Variants in TP63 observed in about 807,000 individuals in gnomAD.
TP63 encodes the protein tumor protein p63, also known as tumor protein 63.
TP63 carries 17 observed loss-of-function variants against 82.8 expected under a neutral mutation model. The ratio of observed to expected loss-of-function variants is 0.21; its 90% CI spans 0.14 to 0.31. The LOEUF (loss-of-function observed/expected upper bound fraction) is 0.31. TP63 is among the 10% of genes least tolerant of loss of function. The probability of loss-of-function intolerance (pLI) is 1.00; values close to 1 mark genes in which losing one functional copy is unlikely to be tolerated. For synonymous variants in TP63, 330 were observed against 321.7 expected, an observed-to-expected ratio of 1.03 and a Z score of -0.28; for missense variants, 648 against 895.3, an observed-to-expected ratio of 0.72 and a Z score of 3.52.
At chr3:189,684,898 T>C (rs1255839180) in intron 1 of TP63, among the ~76,000 whole-genome samples, 10 of 152,056 alleles carry the variant, frequency 6.6e-5, no homozygotes, top group Non-Finnish European at 8.8e-5. Flanking sequence ...TCCCAGAGTG[T>C]TGGGATTACA....
At chr3:189,758,220 T>C (rs185597127) in intron 3 of TP63, among the ~76,000 whole-genome samples, 2 of 152,298 alleles carry the variant, frequency 1.3e-5, no homozygotes, top group Admixed American at 6.5e-5. Flanking sequence ...GGGTTCGTGC[T>C]CCTATGAGGA....
chr3:189,658,562 G>T (rs540655031), intron 1 of TP63, among the ~76,000 whole-genome samples: 5 of 151,974 alleles, frequency 3.3e-5, no homozygotes, highest in Non-Finnish European at 7.4e-5. Context: ...AAATGGCTTT[G>T]ATCCCCCTTG....
At chr3:189,682,545 AAAAAAAAAAT>A (rs369352339) in intron 1 of TP63, among the ~76,000 whole-genome samples, 843 of 71,156 alleles carry the variant, frequency 0.012, 14 homozygotes, top group Admixed American at 0.023. Context: ...GGAAAAAAAA[AAAAAAAAAAT>A]ATATATATAT....
the TP63 span, among the ~76,000 whole-genome samples, chr3:189,604,795 A>C: frequency 6.6e-6 from 1 of 152,134 alleles, no homozygotes; most frequent in African/African-American, 2.4e-5. Flanking sequence ...ACAGTTTGTA[A>C]AGCTGTTTGT....
In TP63 at chr3:189,869,377, TC is replaced by T. The variant is rs2108809571; in HGVS notation, c.1187del (p.Pro396GlnfsTer10). On this transcript the variant is annotated frameshift_variant, in exon 9 of 14. Coordinates refer to ENST00000264731, the MANE Select transcript of TP63 (RefSeq NM_003722.5). LOFTEE classifies it high-confidence loss of function. ...IQMTSIKKRRSPDDELLYLPV... is the reference protein window; with the variant it reads ...IQMTSIKKRRXPDDELLYLPV... ...GATGACATCCATCAAGAAACGAAGA[TC>T]CCCAGATGATGAACTGTTATACTTA... The T allele has an allele frequency of 6.2e-7, 1 of 1,614,058 alleles. No individual in the cohort carries two copies. Among genetic ancestry groups the T allele is most frequent in the East Asian group, 2.2e-5 (1 of 44,866 alleles).
At chr3:189,861,433 G>T (rs574246420) in intron 4 of TP63, among the ~76,000 whole-genome samples, 35 of 152,138 alleles carry the variant, frequency 2.3e-4, no homozygotes, top group Non-Finnish European at 4.3e-4. Context: ...GTGTGTGGGT[G>T]GGGGTGGAGG....
chr3:189,834,838 T>C (rs1293433356), intron 4 of TP63, among the ~76,000 whole-genome samples: 1 of 152,112 alleles, frequency 6.6e-6, no homozygotes, highest in Admixed American at 6.5e-5. Flanking sequence ...TATATATGTT[T>C]TGATATTTTG....
Position 189,889,496 on chromosome 3 carries a change from G to A in TP63, c.1652+12G>A, listed in dbSNP as rs1198750658. The A allele has an allele frequency of 1.2e-6, 2 of 1,614,166 alleles. No individual in the cohort carries two copies. Among genetic ancestry groups the A allele is most frequent in the Non-Finnish European group, 1.7e-6 (2 of 1,180,016 alleles). ...TGCAGCATTGTCAGGTGAGTCCACA[G>A]CATGTGCCCCTGGGGGCCTGCCCTA... On this transcript the variant is annotated intron_variant, in intron 12 of 13. Transcript: ENST00000264731.
chr3:189,792,415 G>GCAAAA (rs945075022), intron 3 of TP63, among the ~76,000 whole-genome samples: 2 of 151,928 alleles, frequency 1.3e-5, no homozygotes, highest in Non-Finnish European at 2.9e-5. Flanking sequence ...CAACTTTCTG[G>GCAAAA]CAAAACAAAA....
chr3:189,693,682 A>G (rs561101526), intron 1 of TP63, among the ~76,000 whole-genome samples: 1 of 152,324 alleles, frequency 6.6e-6, no homozygotes, highest in East Asian at 1.9e-4. Context: ...TTGAATATAT[A>G]CGGCTATAGT....
intron 3 of TP63, among the ~76,000 whole-genome samples, chr3:189,800,616 T>C (rs1186328249): frequency 6.6e-6 from 1 of 152,078 alleles, no homozygotes; most frequent in Non-Finnish European, 1.5e-5. Flanking sequence ...GGAAAGCGGG[T>C]TCCGGAGCCA....
chr3:189,698,581 C>G (rs1431020713), intron 1 of TP63, among the ~76,000 whole-genome samples: 1 of 152,118 alleles, frequency 6.6e-6, no homozygotes, highest in Non-Finnish European at 1.5e-5. Flanking sequence ...ATAGATTACT[C>G]CTTTACATTG....
At chr3:189,644,435 A>G (rs899896202) in intron 1 of TP63, among the ~76,000 whole-genome samples, 6 of 152,184 alleles carry the variant, frequency 3.9e-5, no homozygotes, top group African/African-American at 9.6e-5. Flanking sequence ...GTTTCTGTTC[A>G]CCTACTAGAC....
At chr3:189,705,529 C>G (rs1718131834) in intron 1 of TP63, among the ~76,000 whole-genome samples, 1 of 151,836 alleles carries the variant, frequency 6.6e-6, no homozygotes, top group South Asian at 2.1e-4. Context: ...AAAACACATC[C>G]TTATGGTGCC....
chr3:189,668,015 A>T (rs1714554928), intron 1 of TP63, among the ~76,000 whole-genome samples: 1 of 152,080 alleles, frequency 6.6e-6, no homozygotes, highest in Non-Finnish European at 1.5e-5. Context: ...CCTATACAAC[A>T]CCTCCTTATT....
At chr3:189,832,556 G>C (rs911385715) in intron 4 of TP63, among the ~76,000 whole-genome samples, 16 of 152,106 alleles carry the variant, frequency 1.1e-4, no homozygotes, top group African/African-American at 3.9e-4. Flanking sequence ...CATGAAGTTT[G>C]ACATAAATTT....
chr3:189,786,075 G>T (rs942554531), intron 3 of TP63, among the ~76,000 whole-genome samples: 4 of 151,826 alleles, frequency 2.6e-5, no homozygotes, highest in Non-Finnish European at 5.9e-5. Flanking sequence ...TTCACATAGG[G>T]ATGTCAAATG....
chr3:189,713,120 A>C (rs73892326), intron 1 of TP63, among the ~76,000 whole-genome samples: 3,352 of 152,302 alleles, frequency 0.022, 98 homozygotes, highest in African/African-American at 0.076. Context: ...AGATAGATTG[A>C]GATGCAAAAA....
At chr3:189,729,345 G>T (rs967949507) in intron 1 of TP63, among the ~76,000 whole-genome samples, 4 of 152,120 alleles carry the variant, frequency 2.6e-5, no homozygotes, top group Non-Finnish European at 5.9e-5. Flanking sequence ...AGAAATTCGC[G>T]GTTGGACTGC....
Sources: allele counts gnomAD v4.1 joint callset (sites outside exome capture counted in the v4.1 genomes callset), GRCh38; gene constraint gnomAD v4.1.1; transcripts MANE v1.5; gene names NCBI Gene and HGNC (gene_info 2026-07-23, HGNC 2026-07-21).